The following RABGAP1L variants were observed in gnomAD, a reference collection of about 807,000 sequenced individuals.
RABGAP1L encodes rab GTPase-activating protein 1-like.
A neutral mutation model predicts 137.7 loss-of-function variants in RABGAP1L; 63 were observed. That is an observed-to-expected ratio of 0.46 (90% CI 0.37 to 0.56). The LOEUF (loss-of-function observed/expected upper bound fraction) is 0.56, where lower values mean the gene tolerates loss of function less well. Ranked by LOEUF, RABGAP1L falls within the 20% of genes least tolerant of loss-of-function variation. The pLI is 0.00. For synonymous variants in RABGAP1L, 431 were observed against 433.7 expected, an observed-to-expected ratio of 0.99 and a Z score of 0.08; for missense variants, 1,095 against 1,244.0, an observed-to-expected ratio of 0.88 and a Z score of 1.80.
At chr1:174,362,030 C>A (rs1297543866) in intron 11 of RABGAP1L, among the ~76,000 whole-genome samples, 1 of 152,214 alleles carries the variant, frequency 6.6e-6, no homozygotes, top group Non-Finnish European at 1.5e-5. Context: ...TGAGAACATG[C>A]ACTATTCAGT....
intron 17 of RABGAP1L, among the ~76,000 whole-genome samples, chr1:174,746,032 G>A (rs1352448141): frequency 6.6e-6 from 1 of 152,158 alleles, no homozygotes; most frequent in Non-Finnish European, 1.5e-5. Flanking sequence ...TACCTTTTCA[G>A]CATTTGTTCT....
At chr1:174,530,819 ATACATACATACATACATACG>A (rs149270177) in intron 13 of RABGAP1L, among the ~76,000 whole-genome samples, 17,213 of 140,384 alleles carry the variant, frequency 0.12, 3,314 homozygotes, top group African/African-American at 0.42. Context: ...ACATACATAC[ATACATACATACATACATACG>A]TACGTTTGTG....
chr1:174,510,652 T>C (rs1361718050), intron 13 of RABGAP1L, among the ~76,000 whole-genome samples: 2 of 152,202 alleles, frequency 1.3e-5, no homozygotes, highest in African/African-American at 2.4e-5. Flanking sequence ...CTCTCAGCTT[T>C]GCTTTGTCAT....
At chr1:174,371,991 A>T (rs1387868863) in intron 12 of RABGAP1L, among the ~76,000 whole-genome samples, 2 of 152,160 alleles carry the variant, frequency 1.3e-5, no homozygotes, top group East Asian at 3.8e-4. Flanking sequence ...GATTAGGTTT[A>T]TCAAATTTGG....
At chr1:174,798,667 T>C (rs1688464202) in intron 18 of RABGAP1L, among the ~76,000 whole-genome samples, 1 of 152,178 alleles carries the variant, frequency 6.6e-6, no homozygotes, top group Non-Finnish European at 1.5e-5. Context: ...ATGTTTCTAT[T>C]TGGTTATTTG....
intron 19 of RABGAP1L, among the ~76,000 whole-genome samples, chr1:174,857,317 T>C (rs1165228211): frequency 6.6e-6 from 1 of 152,182 alleles, no homozygotes; most frequent in Non-Finnish European, 1.5e-5. Context: ...TTAGAGACAT[T>C]TTTCTCTCTT....
At chr1:174,712,372 A>G (rs778521322) in intron 17 of RABGAP1L, among the ~76,000 whole-genome samples, 5 of 152,226 alleles carry the variant, frequency 3.3e-5, no homozygotes, top group Non-Finnish European at 5.9e-5. Flanking sequence ...TCCTGAAGCT[A>G]GTGAGACCAC....
intron 24 of RABGAP1L, among the ~76,000 whole-genome samples, chr1:174,983,406 C>T (rs1671300811): frequency 6.6e-6 from 1 of 152,146 alleles, no homozygotes; most frequent in Non-Finnish European, 1.5e-5. Context: ...TGTTTACTTG[C>T]TGCCCCCTGG....
chr1:174,172,079 G>A (rs1189866716), intron 1 of RABGAP1L, among the ~76,000 whole-genome samples: 1 of 151,060 alleles, frequency 6.6e-6, no homozygotes, highest in Admixed American at 6.6e-5. Flanking sequence ...TTTTGTGTCT[G>A]GCTTATTTCA....
chr1:174,611,555 A>G (rs933725882), intron 13 of RABGAP1L, among the ~76,000 whole-genome samples: 2 of 149,026 alleles, frequency 1.3e-5, no homozygotes, highest in Non-Finnish European at 3.0e-5. Context: ...TTTTGGTTCC[A>G]TATGAACTTT....
intron 11 of RABGAP1L, among the ~76,000 whole-genome samples, chr1:174,317,607 A>AG (rs920805507): frequency 1.4e-4 from 22 of 152,058 alleles, no homozygotes; most frequent in Non-Finnish European, 7.4e-5. Flanking sequence ...GACTGGGGTT[A>AG]GGGGAGGGGT....
At chr1:174,434,894 A>G (rs895055197) in intron 13 of RABGAP1L, among the ~76,000 whole-genome samples, 6 of 152,288 alleles carry the variant, frequency 3.9e-5, no homozygotes, top group Non-Finnish European at 7.4e-5. Context: ...TTTGTTAGAC[A>G]TATGTTTTGC....
chr1:174,311,347 GCC>G (rs1678831248), intron 11 of RABGAP1L, among the ~76,000 whole-genome samples: 2 of 152,098 alleles, frequency 1.3e-5, no homozygotes, highest in Admixed American at 1.3e-4. Flanking sequence ...GGGGGAAACT[GCC>G]CCCATGATCC....
intron 3 of RABGAP1L, among the ~76,000 whole-genome samples, chr1:174,226,891 T>G (rs900060122): frequency 6.6e-6 from 1 of 152,150 alleles, no homozygotes; most frequent in Non-Finnish European, 1.5e-5. Context: ...CTAGGATAAG[T>G]AAACTACTAT....
chr1:174,310,153 G>A (rs935782307), intron 11 of RABGAP1L, among the ~76,000 whole-genome samples: 4 of 151,984 alleles, frequency 2.6e-5, no homozygotes, highest in African/African-American at 7.2e-5. Context: ...TGAATATAAC[G>A]GTCTATAACA....
intron 18 of RABGAP1L, among the ~76,000 whole-genome samples, chr1:174,767,585 G>A (rs1348418641): frequency 6.6e-6 from 1 of 150,958 alleles, no homozygotes; most frequent in African/African-American, 2.4e-5. Context: ...GTGCAGTGGC[G>A]CAATCTCGGC....
At chr1:174,689,114 T>C (rs186543502) in intron 15 of RABGAP1L, among the ~76,000 whole-genome samples, 211 of 152,212 alleles carry the variant, frequency 1.4e-3, no homozygotes, top group Admixed American at 2.4e-3. Flanking sequence ...CAAGTATTAA[T>C]TAAAGTGTAC....
intron 18 of RABGAP1L, among the ~76,000 whole-genome samples, chr1:174,779,468 G>A (rs1374764313): frequency 6.6e-6 from 1 of 152,198 alleles, no homozygotes; most frequent in Non-Finnish European, 1.5e-5. Context: ...TATCCCCTAG[G>A]AGAGCAAGTG....
At chr1:174,674,294 T>C (rs1186827051) in intron 14 of RABGAP1L, among the ~76,000 whole-genome samples, 1 of 141,158 alleles carries the variant, frequency 7.1e-6, no homozygotes, top group Non-Finnish European at 1.5e-5. Flanking sequence ...TGTGTCCATG[T>C]GTTCTCATTG....
Sources: allele counts gnomAD v4.1 joint callset (sites outside exome capture counted in the v4.1 genomes callset), GRCh38; gene constraint gnomAD v4.1.1; transcripts MANE v1.5; gene names NCBI Gene and HGNC (gene_info 2026-07-23, HGNC 2026-07-21).